The following MTAP variants were observed in gnomAD, a reference collection of about 807,000 sequenced individuals.
MTAP encodes methylthioadenosine phosphorylase, also known as S-methyl-5'-thioadenosine phosphorylase.
A neutral mutation model predicts 33.6 loss-of-function variants in MTAP; 33 were observed. That is an observed-to-expected ratio of 0.98 (90% CI 0.74 to 1.31). MTAP has a LOEUF of 1.31. Ranked by LOEUF, MTAP falls within the 40% of genes most tolerant of loss-of-function variation. The pLI, the probability that MTAP is intolerant of heterozygous loss-of-function variation, is 0.00. For synonymous variants in MTAP, 148 were observed against 125.7 expected (o/e 1.18, Z -1.19); for missense variants, 367 against 360.0 (o/e 1.02, Z -0.16).
intron 7 of MTAP, 39 bp downstream of exon 7, chr9:21,859,464 C>G: frequency 1.3e-6 from 2 of 1,570,452 alleles, no homozygotes; most frequent in Middle Eastern, 1.7e-4. Context: ...TGTCTGTAGA[C>G]TCTCTATTGT....
intron 1 of MTAP, among the ~76,000 whole-genome samples, chr9:21,810,272 G>A (rs148278059): frequency 2.1e-3 from 323 of 152,278 alleles, no homozygotes; most frequent in African/African-American, 7.6e-3. Context: ...TCTTCCCTCT[G>A]TATGTGGTTA....
At chr9:21,890,547 C>T (rs1263178013) in intron 1 of MTAP, among the ~76,000 whole-genome samples, 1 of 152,216 alleles carries the variant, frequency 6.6e-6, no homozygotes, top group South Asian at 2.1e-4. Context: ...CCGAATTCCA[C>T]TGGCAGCCCT....
At chr9:21,940,995 A>T (rs1819129219), downstream of MTAP, 2 of 985,348 alleles carry the variant, frequency 2.0e-6, no homozygotes, top group South Asian at 4.7e-5. Context: ...AGTGAGTTGG[A>T]GCAAAGACCA....
chr9:21,854,914 G>C, intron 6 of MTAP, 44 bp downstream of exon 6: 1 of 1,603,510 alleles, frequency 6.2e-7, no homozygotes, highest in Non-Finnish European at 8.5e-7. Flanking sequence ...TGGGTTTCTG[G>C]GTGCCAATAG....
chr9:21,886,135 T>A (rs1032765345), intron 1 of MTAP, among the ~76,000 whole-genome samples: 11 of 150,488 alleles, frequency 7.3e-5, no homozygotes, highest in Non-Finnish European at 1.3e-4. Context: ...TTTTTTTTTT[T>A]AATTATGGCC....
intron 1 of MTAP, among the ~76,000 whole-genome samples, chr9:21,910,596 A>T (rs973598981): frequency 4.6e-5 from 7 of 152,194 alleles, no homozygotes; most frequent in Non-Finnish European, 7.4e-5. Flanking sequence ...GAGTAGTAGG[A>T]AATAAAGTAA....
chr9:21,914,733 TAACA>T (rs1349776810), intron 1 of MTAP, among the ~76,000 whole-genome samples: 2 of 151,296 alleles, frequency 1.3e-5, no homozygotes, highest in African/African-American at 2.4e-5. Flanking sequence ...TACACATATG[TAACA>T]AACCTGCACA....
Position 21,864,602 on chromosome 9 carries a change from C to G in MTAP, c.*2588C>G, listed in dbSNP as rs1264299500. The G allele has an allele frequency of 1.0e-6, 1 of 985,360 alleles. No individual in the cohort carries two copies. The highest frequency in any genetic ancestry group is 1.1e-4 in the East Asian group (1 of 8,822). The allele number at this position is 985,360 out of a possible 1,614,324, so 61.0% of individuals were successfully genotyped here. On this transcript the variant is annotated 3_prime_UTR_variant, in exon 8 of 8. Coordinates refer to ENST00000644715, the MANE Select transcript of MTAP (RefSeq NM_002451.4). ...CCCTGTGGTCCCCGAGGGTCATGGT[C>G]CTTGTGACCTGGCCCCTGTTCACTG...
At position 21,918,818 on chromosome 9, in the gene MTAP, A is replaced by G. The variant is rs558724138; in HGVS notation, c.148-12190A>G. ...TCTTTGCTCCTCTTTGCCTTCTGCC[A>G]TGATTGTGAGGCCTCTTCAACCATG... is the stretch of plus-strand genomic sequence containing the variant. On this transcript the variant is annotated intron_variant, in intron 1 of 1. Coordinates refer to the MTAP transcript ENST00000577563. Among the ~76,000 whole-genome samples, 41 of 152,242 alleles carry G rather than the reference A, an allele frequency of 2.7e-4. No homozygotes were observed. The South Asian group carries it at 6.4e-3, about 24-fold the overall frequency.
In MTAP at chr9:21,865,471, C is replaced by T. The variant is rs1825838490; in HGVS notation, c.*3457C>T. ...CTCAAATGTTTTGAAGATTGTTGCA[C>T]CTTGGAACTACCAGTGTGCACACAA... On this transcript the variant is annotated 3_prime_UTR_variant, in exon 8 of 8. Transcript: ENST00000644715. 2 of 985,334 alleles carry T rather than the reference C, an allele frequency of 2.0e-6. No individual in the cohort carries two copies. Among genetic ancestry groups the T allele is most frequent in the Admixed American group, 6.2e-5 (1 of 16,260 alleles). 61.0% of individuals were successfully genotyped at this position (985,334 alleles called of 1,614,324 possible).
chr9:21,918,349 CAAA>C (rs34446505), intron 1 of MTAP, among the ~76,000 whole-genome samples: 4 of 23,808 alleles, frequency 1.7e-4, no homozygotes, highest in African/African-American at 2.2e-4. Flanking sequence ...GACTCCGTCT[CAAA>C]AAAAAAAAAA....
intron 1 of MTAP, among the ~76,000 whole-genome samples, chr9:21,897,689 T>C (rs1236974717): frequency 6.6e-6 from 1 of 152,166 alleles, no homozygotes; most frequent in Non-Finnish European, 1.5e-5. Flanking sequence ...GTGAAGGACC[T>C]CTTCAAGAAG....
At chr9:21,897,676 G>T (rs530415330) in intron 1 of MTAP, among the ~76,000 whole-genome samples, 1 of 152,152 alleles carries the variant, frequency 6.6e-6, no homozygotes, top group Non-Finnish European at 1.5e-5. Context: ...GCTTACAAGG[G>T]ATGTGAAGGA....
chr9:21,882,222 G>A (rs975101787), intron 1 of MTAP, among the ~76,000 whole-genome samples: 3 of 151,632 alleles, frequency 2.0e-5, no homozygotes, highest in African/African-American at 7.3e-5. Context: ...AACACAAGAC[G>A]AACAACTGTA....
intron 1 of MTAP, among the ~76,000 whole-genome samples, chr9:21,919,158 G>A (rs1818743809): frequency 6.6e-6 from 1 of 152,182 alleles, no homozygotes; most frequent in South Asian, 2.1e-4. Flanking sequence ...GTTTGTAGCT[G>A]AAAGAGAGGA....
chr9:21,920,058 A>G (rs1161691947), intron 1 of MTAP, among the ~76,000 whole-genome samples: 1 of 152,190 alleles, frequency 6.6e-6, no homozygotes, highest in East Asian at 1.9e-4. Flanking sequence ...CAAGAGAACA[A>G]GAATATTCTT....
intron 4 of MTAP, among the ~76,000 whole-genome samples, chr9:21,822,535 G>A (rs1410962610): frequency 1.3e-5 from 2 of 152,174 alleles, no homozygotes; most frequent in Non-Finnish European, 2.9e-5. Context: ...TTGCTGAGGA[G>A]TGCTTTACTT....
chr9:21,861,681 C>G (rs1480215633), intron 7 of MTAP: 3 of 401,674 alleles, frequency 7.5e-6, no homozygotes, highest in Non-Finnish European at 1.4e-5. Flanking sequence ...GTTGCATAAA[C>G]AATAATCCAG....
intron 4 of MTAP, among the ~76,000 whole-genome samples, chr9:21,835,152 C>T (rs111393226): frequency 1.7e-4 from 26 of 152,268 alleles, no homozygotes; most frequent in African/African-American, 6.0e-4. Context: ...GGCGACCTAG[C>T]TCTCTGGGAT....
Sources: allele counts gnomAD v4.1 joint callset (sites outside exome capture counted in the v4.1 genomes callset), GRCh38; gene constraint gnomAD v4.1.1; transcripts MANE v1.5; gene names NCBI Gene and HGNC (gene_info 2026-07-23, HGNC 2026-07-21).